FGF14: variants seen among roughly 807,000 people sequenced by gnomAD.
FGF14 encodes the protein fibroblast growth factor 14.
In FGF14, 5 loss-of-function variants were observed where a neutral mutation model predicts 25.5. The ratio of observed to expected loss-of-function variants is 0.20; its 90% confidence interval spans 0.10 to 0.41. The LOEUF (loss-of-function observed/expected upper bound fraction) is 0.41, where lower values mean the gene tolerates loss of function less well. Ranked by LOEUF, FGF14 falls within the 10% of genes least tolerant of loss-of-function variation. FGF14 has a pLI of 1.00. For missense variants in FGF14, 222 were observed against 320.1 expected, an observed-to-expected ratio of 0.69 and a Z score of 2.34; for synonymous variants, 138 against 118.3, an observed-to-expected ratio of 1.17 and a Z score of -1.08.
At position 101,737,466 on chromosome 13, in the gene FGF14, T is replaced by C. The variant is rs200074279; in HGVS notation, c.409-10656A>G. 2.6e-5 allele frequency among the ~76,000 whole-genome samples: 4 copies of C among 152,228 alleles called. No individual in the cohort carries two copies. The East Asian group carries it at 7.7e-4, about 29-fold the overall frequency. ...AAATGAAGTATTTTAGTTTATGTAGTTAGGAGATATCAATTTTGTGTCTTG... is the reference window on the plus strand; with the variant it reads ...AAATGAAGTATTTTAGTTTATGTAGCTAGGAGATATCAATTTTGTGTCTTG... On this transcript the variant is annotated intron_variant, in intron 3 of 4. Transcript: ENST00000376143.
intron 1 of FGF14, among the ~76,000 whole-genome samples, chr13:102,383,593 A>G (rs766288240): frequency 1.3e-5 from 2 of 152,236 alleles, no homozygotes; most frequent in Admixed American, 1.3e-4. Flanking sequence ...TCCAATGAGT[A>G]GAATCTCCTG....
chr13:102,242,970 G>A (rs2051677824), intron 1 of FGF14, among the ~76,000 whole-genome samples: 1 of 152,082 alleles, frequency 6.6e-6, no homozygotes, highest in African/African-American at 2.4e-5. Context: ...ATGTGACTAG[G>A]TTCTTATCAA....
chr13:102,117,035 G>A (rs1347816649), intron 1 of FGF14, among the ~76,000 whole-genome samples: 2 of 152,156 alleles, frequency 1.3e-5, no homozygotes, highest in African/African-American at 4.8e-5. Flanking sequence ...ATGCCAGCCA[G>A]GTAGGGGTCA....
intron 1 of FGF14, among the ~76,000 whole-genome samples, chr13:101,885,204 A>G (rs539592458): frequency 2.0e-5 from 3 of 152,296 alleles, no homozygotes; most frequent in African/African-American, 7.2e-5. Context: ...GCACTAGAGC[A>G]TGGATTCAAC....
chr13:102,174,115 CA>C (rs2048347782), intron 1 of FGF14, among the ~76,000 whole-genome samples: 1 of 149,684 alleles, frequency 6.7e-6, no homozygotes, highest in Non-Finnish European at 1.5e-5. Context: ...CGAAACAAAA[CA>C]TGCAAAAGAT....
intron 1 of FGF14, among the ~76,000 whole-genome samples, chr13:102,208,161 T>C (rs2050014386): frequency 6.6e-6 from 1 of 152,176 alleles, no homozygotes; most frequent in Non-Finnish European, 1.5e-5. Context: ...GGTGAGAGAT[T>C]CGCAAGGGGA....
intron 1 of FGF14, among the ~76,000 whole-genome samples, chr13:102,119,635 T>C (rs980504124): frequency 1.3e-5 from 2 of 152,210 alleles, no homozygotes; most frequent in African/African-American, 4.8e-5. Flanking sequence ...TATATATGTA[T>C]GTCTGTGTGC....
chr13:102,275,702 A>G (rs57154180), intron 1 of FGF14, among the ~76,000 whole-genome samples: 21,855 of 152,078 alleles, frequency 0.14, 1,742 homozygotes, highest in East Asian at 0.39. Context: ...CTGTCCTGTG[A>G]GTAGTGTGAG....
At chr13:101,815,061 T>C (rs1017573443) in intron 3 of FGF14, among the ~76,000 whole-genome samples, 3 of 152,354 alleles carry the variant, frequency 2.0e-5, no homozygotes, top group African/African-American at 7.2e-5. Flanking sequence ...AGCCTCATGC[T>C]ATCAAGTGGA....
At chr13:102,339,984 C>T (rs541080421) in intron 1 of FGF14, among the ~76,000 whole-genome samples, 5 of 152,166 alleles carry the variant, frequency 3.3e-5, no homozygotes, top group South Asian at 2.1e-4. Context: ...TTGAGGTTAA[C>T]GACACACGGA....
intron 1 of FGF14, among the ~76,000 whole-genome samples, chr13:102,020,599 G>A (rs139196845): frequency 6.6e-6 from 1 of 152,042 alleles, no homozygotes; most frequent in Non-Finnish European, 1.5e-5. Flanking sequence ...AGAGAGAGAA[G>A]AGCAGAAATG....
intron 1 of FGF14, among the ~76,000 whole-genome samples, chr13:101,970,818 CATA>C (rs1258138544): frequency 3.3e-5 from 5 of 152,166 alleles, no homozygotes; most frequent in Non-Finnish European, 5.9e-5. Context: ...ACTTTGTCTG[CATA>C]ATAAGACCAC....
At chr13:101,863,629 T>G (rs1247337460) in intron 3 of FGF14, among the ~76,000 whole-genome samples, 1 of 151,978 alleles carries the variant, frequency 6.6e-6, no homozygotes, top group African/African-American at 2.4e-5. Flanking sequence ...TACTTACAGG[T>G]GAGGGACATG....
chr13:102,250,582 C>T (rs962879736), intron 1 of FGF14, among the ~76,000 whole-genome samples: 4 of 152,122 alleles, frequency 2.6e-5, no homozygotes, highest in Non-Finnish European at 2.9e-5. Context: ...TTATGTTCCC[C>T]TTCTGGGAAA....
At chr13:102,024,254 G>C (rs1464361808) in intron 1 of FGF14, among the ~76,000 whole-genome samples, 1 of 152,126 alleles carries the variant, frequency 6.6e-6, no homozygotes, top group African/African-American at 2.4e-5. Flanking sequence ...AACGCATGAG[G>C]ATTCTAATTC....
intron 1 of FGF14, among the ~76,000 whole-genome samples, chr13:102,129,256 A>G (rs2046082892): frequency 6.6e-6 from 1 of 151,340 alleles, no homozygotes; most frequent in African/African-American, 2.4e-5. Flanking sequence ...TCTCAAAAAA[A>G]AGAAAGAAAG....
chr13:101,910,837 C>T (rs1469655222), intron 1 of FGF14, among the ~76,000 whole-genome samples: 1 of 129,220 alleles, frequency 7.7e-6, no homozygotes. Context: ...GATTTGGATT[C>T]GTGTGTGTGT....
At chr13:101,932,227 G>A (rs2034800527) in intron 1 of FGF14, among the ~76,000 whole-genome samples, 1 of 152,070 alleles carries the variant, frequency 6.6e-6, no homozygotes, top group South Asian at 2.1e-4. Context: ...TCTTTTCATT[G>A]CTTTTTAAAA....
chr13:101,832,488 A>C (rs1288555044), intron 3 of FGF14, among the ~76,000 whole-genome samples: 1 of 152,056 alleles, frequency 6.6e-6, no homozygotes, highest in African/African-American at 2.4e-5. Flanking sequence ...TAGGAAGAAG[A>C]AGCTTGAGTT....
Sources: gnomAD v4.1 joint callset for allele counts (sites outside exome capture counted in the v4.1 genomes callset) on GRCh38, gnomAD v4.1.1 for gene constraint, MANE v1.5 for transcripts, NCBI Gene and HGNC (gene_info 2026-07-23, HGNC 2026-07-21) for gene names.